Variants in ANO3 observed in about 807,000 individuals in gnomAD.
ANO3 encodes anoctamin-3.
ANO3 carries 99 observed loss-of-function variants against 144.8 expected under a neutral mutation model. The ratio of observed to expected loss-of-function variants is 0.68; its 90% CI spans 0.58 to 0.81. The LOEUF is 0.81. Ranked by LOEUF, ANO3 falls within the 30% of genes least tolerant of loss-of-function variation. The pLI, the probability that ANO3 is intolerant of heterozygous loss-of-function variation, is 0.00. For synonymous variants in ANO3, 414 were observed against 392.6 expected, an observed-to-expected ratio of 1.05 and a Z score of -0.64; for missense variants, 905 against 1,202.2, an observed-to-expected ratio of 0.75 and a Z score of 3.66.
chr11:26,215,554 T>C (rs1376305284), intron 1 of ANO3, among the ~76,000 whole-genome samples: 1 of 151,994 alleles, frequency 6.6e-6, no homozygotes, highest in African/African-American at 2.4e-5. Flanking sequence ...ATGAACAATT[T>C]TTCTAAAAAC....
chr11:26,191,679 C>G (rs1851480930), intron 1 of ANO3, among the ~76,000 whole-genome samples: 2 of 152,174 alleles, frequency 1.3e-5, no homozygotes. Flanking sequence ...GTATAATTTA[C>G]ACTCTTTAAT....
At chr11:26,243,884 C>T (rs747280929) in intron 1 of ANO3, among the ~76,000 whole-genome samples, 17 of 151,866 alleles carry the variant, frequency 1.1e-4, no homozygotes, top group South Asian at 8.3e-4. Context: ...CTTTGGGAGG[C>T]CGAGGTGCGC....
At chr11:26,616,590 A>G (rs1170533000) in intron 17 of ANO3, among the ~76,000 whole-genome samples, 1 of 152,162 alleles carries the variant, frequency 6.6e-6, no homozygotes, top group Non-Finnish European at 1.5e-5. Flanking sequence ...TTTGGAAGGC[A>G]AGCATGACAG....
At chr11:26,507,661 A>C (rs1462269331) in intron 4 of ANO3, among the ~76,000 whole-genome samples, 4 of 152,220 alleles carry the variant, frequency 2.6e-5, no homozygotes, top group Non-Finnish European at 4.4e-5. Flanking sequence ...TTTATCTTTG[A>C]AATGCATGTA....
At chr11:26,300,108 G>T (rs1854190078) in intron 1 of ANO3, among the ~76,000 whole-genome samples, 1 of 152,100 alleles carries the variant, frequency 6.6e-6, no homozygotes, top group African/African-American at 2.4e-5. Flanking sequence ...ATTTGAGGAA[G>T]ACCAGTCTGT....
chr11:26,393,447 G>A (rs1462722137), intron 1 of ANO3, among the ~76,000 whole-genome samples: 1 of 152,102 alleles, frequency 6.6e-6, no homozygotes, highest in Non-Finnish European at 1.5e-5. Context: ...GGAAAGAAAT[G>A]AATATCTATA....
chr11:26,415,014 G>A (rs1857539274), intron 1 of ANO3, among the ~76,000 whole-genome samples: 1 of 151,538 alleles, frequency 6.6e-6, no homozygotes, highest in African/African-American at 2.4e-5. Flanking sequence ...GTATCCATGG[G>A]TACCATAGCG....
chr11:26,595,973 G>T (rs1851616433), intron 14 of ANO3, among the ~76,000 whole-genome samples: 1 of 152,190 alleles, frequency 6.6e-6, no homozygotes, highest in Admixed American at 6.5e-5. Context: ...GGGTTACTGA[G>T]TTAAGAATTT....
chr11:26,225,995 C>T (rs1035188981), intron 1 of ANO3, among the ~76,000 whole-genome samples: 23 of 152,192 alleles, frequency 1.5e-4, no homozygotes, highest in African/African-American at 5.3e-4. Context: ...AACTTATGTG[C>T]TCACCTGTTA....
At chr11:26,295,216 T>C (rs2133857487) in intron 1 of ANO3, among the ~76,000 whole-genome samples, 1 of 152,226 alleles carries the variant, frequency 6.6e-6, no homozygotes, top group Non-Finnish European at 1.5e-5. Context: ...CCTGCCTCAG[T>C]TGAGTCATTT....
chr11:26,247,099 A>G (rs1049713803), intron 1 of ANO3, among the ~76,000 whole-genome samples: 62 of 152,302 alleles, frequency 4.1e-4, no homozygotes, highest in Non-Finnish European at 6.6e-4. Flanking sequence ...ATGTTGTTCA[A>G]TTTAAAAATG....
At chr11:26,215,433 C>T (rs1852017371) in intron 1 of ANO3, among the ~76,000 whole-genome samples, 1 of 151,944 alleles carries the variant, frequency 6.6e-6, no homozygotes, top group South Asian at 2.1e-4. Flanking sequence ...TCCCTTTGAA[C>T]TGCCACTATC....
chr11:26,656,100 A>G (rs1274710462), intron 24 of ANO3, 25 bp from the exon 25 acceptor site: 37 of 1,548,798 alleles, frequency 2.4e-5, no homozygotes, highest in Non-Finnish European at 3.2e-5. Flanking sequence ...TCTTTGAATC[A>G]CATGATATTT....
At chr11:26,429,461 T>TA (rs1858015971) in intron 1 of ANO3, among the ~76,000 whole-genome samples, 1 of 14,800 alleles carries the variant, frequency 6.8e-5, no homozygotes. Flanking sequence ...TTCCAAAAGT[T>TA]CAAAAAAAAA....
intron 4 of ANO3, among the ~76,000 whole-genome samples, chr11:26,502,454 A>C (rs889139431): frequency 6.6e-6 from 1 of 152,164 alleles, no homozygotes; most frequent in South Asian, 2.1e-4. Flanking sequence ...ACAGTTCTCA[A>C]CACCTTAACC....
In ANO3 at chr11:26,472,077, G is replaced by C. The variant is rs193198625; in HGVS notation, c.432+8929G>C. Among the ~76,000 whole-genome samples, 177 of 152,092 alleles carry C rather than the reference G, an allele frequency of 1.2e-3. 1 individual carries two copies. Among genetic ancestry groups the C allele is most frequent in the African/African-American group, 4.1e-3 (169 of 41,514 alleles). The stretch of plus-strand genomic sequence containing the variant: ...AATAAATTAATGTATGGGCATTCCA[G>C]TTAAATGGTGCAGATAATGGTTCTA... On this transcript the variant is annotated intron_variant, in intron 4 of 26. Transcript: ENST00000256737.
chr11:26,363,326 T>C (rs1340233260), intron 1 of ANO3, among the ~76,000 whole-genome samples: 19 of 152,188 alleles, frequency 1.2e-4, no homozygotes, highest in Admixed American at 1.2e-3. Flanking sequence ...CATAACAAAA[T>C]ACTAAATACT....
At chr11:26,525,192 A>G (rs1849130560) in intron 6 of ANO3, among the ~76,000 whole-genome samples, 1 of 152,170 alleles carries the variant, frequency 6.6e-6, no homozygotes, top group East Asian at 1.9e-4. Context: ...CTAAAGTTTT[A>G]GTGGTTATAA....
chr11:26,440,351 G>T (rs1253668282), intron 1 of ANO3, among the ~76,000 whole-genome samples: 1 of 151,992 alleles, frequency 6.6e-6, no homozygotes, highest in Non-Finnish European at 1.5e-5. Flanking sequence ...TGCATTCTAG[G>T]GAGGTATACA....
Sources: allele counts gnomAD v4.1 joint callset (sites outside exome capture counted in the v4.1 genomes callset), GRCh38; gene constraint gnomAD v4.1.1; transcripts MANE v1.5; gene names NCBI Gene and HGNC (gene_info 2026-07-23, HGNC 2026-07-21).